TMEM87A: variants seen among roughly 807,000 people sequenced by gnomAD.
The protein encoded by TMEM87A is Golgi-pH regulating cation channel.
TMEM87A carries 50 observed loss-of-function variants against 90.0 expected under a neutral mutation model. The ratio of observed to expected loss-of-function variants is 0.56; its 90% CI spans 0.44 to 0.70. The LOEUF (loss-of-function observed/expected upper bound fraction) is 0.70. TMEM87A is among the 30% of genes least tolerant of loss of function. TMEM87A has a pLI of 0.00. For synonymous variants in TMEM87A, 226 were observed against 226.7 expected (o/e 1.00, Z 0.03); for missense variants, 577 against 660.5 (o/e 0.87, Z 1.39).
At chr15:42,268,527 C>T (rs373333372) in intron 2 of TMEM87A, among the ~76,000 whole-genome samples, 2 of 151,772 alleles carry the variant, frequency 1.3e-5, no homozygotes, top group South Asian at 2.1e-4. Context: ...AAAAGCTAGG[C>T]GTGGTGGTAC....
chr15:42,247,614 T>C (rs1410672820), intron 6 of TMEM87A, among the ~76,000 whole-genome samples: 2 of 152,202 alleles, frequency 1.3e-5, no homozygotes, highest in African/African-American at 4.8e-5. Flanking sequence ...TGGTGTTATT[T>C]CTGAGGCCTC....
chr15:42,236,097 G>A (rs2140940339), intron 10 of TMEM87A, among the ~76,000 whole-genome samples: 1 of 151,996 alleles, frequency 6.6e-6, no homozygotes, highest in East Asian at 1.9e-4. Context: ...TTTGGACTTG[G>A]AAGTATGGAA....
chr15:42,210,959 T>G lies in TMEM87A; in HGVS notation c.*749A>C, dbSNP rs2050273698. 6.6e-6 allele frequency: 1 copy of G among 152,576 alleles called. No homozygotes were observed. The highest frequency in any genetic ancestry group is 2.4e-5 in the African/African-American group (1 of 41,432). The allele number at this position is 152,576 out of a possible 1,614,324, so 9.5% of individuals were successfully genotyped here. ...AAAACAGTAGTTAAAAGTTTCGGAG[T>G]GTGCACCACATTGCCAGCAATGGGA... On this transcript the variant is annotated 3_prime_UTR_variant, in exon 20 of 20. Coordinates refer to ENST00000389834, the MANE Select transcript of TMEM87A (RefSeq NM_015497.5).
chr15:42,245,885 C>T (rs921975806), intron 6 of TMEM87A, among the ~76,000 whole-genome samples: 3 of 152,128 alleles, frequency 2.0e-5, no homozygotes, highest in African/African-American at 7.2e-5. Flanking sequence ...GGTATTAACT[C>T]CTTTGTAAAC....
chr15:42,226,164 T>C (rs969466449), intron 15 of TMEM87A, among the ~76,000 whole-genome samples: 2 of 152,084 alleles, frequency 1.3e-5, no homozygotes, highest in African/African-American at 2.4e-5. Flanking sequence ...CACACTCAGT[T>C]AATTTTTGTA....
chr15:42,269,087 T>A (rs2051461930), intron 2 of TMEM87A, among the ~76,000 whole-genome samples: 1 of 152,174 alleles, frequency 6.6e-6, no homozygotes, highest in South Asian at 2.1e-4. Context: ...ATAAAGCTCA[T>A]TAAACACAGT....
chr15:42,221,000 C>T (rs904296954), intron 15 of TMEM87A, among the ~76,000 whole-genome samples: 14 of 152,012 alleles, frequency 9.2e-5, no homozygotes, highest in Admixed American at 4.6e-4. Context: ...ATTAGCTGGG[C>T]GTGGAGGTGC....
chr15:42,226,311 AT>A (rs558657588), intron 15 of TMEM87A, among the ~76,000 whole-genome samples: 9,942 of 136,942 alleles, frequency 0.073, 814 homozygotes, highest in African/African-American at 0.22. Flanking sequence ...CTGTGTCGGT[AT>A]TTTTTTTTTT....
At chr15:42,240,236 T>C (rs2050845163) in intron 7 of TMEM87A, among the ~76,000 whole-genome samples, 1 of 152,222 alleles carries the variant, frequency 6.6e-6, no homozygotes, top group Non-Finnish European at 1.5e-5. Context: ...TCCAATTTTC[T>C]TTTATTGCTA....
chr15:42,260,466 C>T (rs1284740659), intron 6 of TMEM87A, among the ~76,000 whole-genome samples: 3 of 152,120 alleles, frequency 2.0e-5, no homozygotes, highest in Admixed American at 2.0e-4. Flanking sequence ...TTGTAAAAAC[C>T]ATAACCCAAC....
chr15:42,253,359 T>C (rs2051119707), intron 6 of TMEM87A, among the ~76,000 whole-genome samples: 1 of 152,208 alleles, frequency 6.6e-6, no homozygotes, highest in Non-Finnish European at 1.5e-5. Flanking sequence ...TCTGGACCCT[T>C]TCCTTCTCAT....
intron 16 of TMEM87A, 38 bp downstream of exon 16, chr15:42,220,024 T>A: frequency 6.7e-7 from 1 of 1,502,844 alleles, no homozygotes; most frequent in Non-Finnish European, 9.0e-7. Flanking sequence ...AGAAAAATAA[T>A]ATTTAAAGTA....
rs1467751870 is a variant in TMEM87A at position 42,267,264 on chromosome 15, G to A, written c.291+683C>T. 2.0e-5 allele frequency among the ~76,000 whole-genome samples: 3 copies of A among 152,078 alleles called. No homozygotes were observed. The East Asian group carries it at 5.8e-4, about 29-fold the overall frequency. The stretch of plus-strand genomic sequence containing the variant: ...AAATGATGCTACAAGATCACACACA[G>A]GTAAAAGATACATTCATATCAGTGG... On this transcript the variant is annotated intron_variant, in intron 3 of 19. Transcript: ENST00000389834.
chr15:42,240,264 C>T (rs1025380610), intron 7 of TMEM87A, among the ~76,000 whole-genome samples: 6 of 151,924 alleles, frequency 3.9e-5, no homozygotes, highest in Non-Finnish European at 8.8e-5. Flanking sequence ...GTATCATTTT[C>T]GGAATGAAGG....
chr15:42,233,937 AT>A (rs11285848), intron 10 of TMEM87A, among the ~76,000 whole-genome samples: 17,277 of 139,716 alleles, frequency 0.12, 1,403 homozygotes, highest in African/African-American at 0.23. Context: ...CACCAGGCTA[AT>A]TTTTTTTTTT....
intron 8 of TMEM87A, 49 bp downstream of exon 8, chr15:42,239,621 G>A (rs1228481101): frequency 3.4e-6 from 5 of 1,472,390 alleles, no homozygotes; most frequent in Non-Finnish European, 4.7e-6. Context: ...GACAATCTTT[G>A]AACCCAAAAC....
At chr15:42,262,991 T>C (rs1481746667) in intron 4 of TMEM87A, among the ~76,000 whole-genome samples, 1 of 152,190 alleles carries the variant, frequency 6.6e-6, no homozygotes, top group African/African-American at 2.4e-5. Context: ...TATTCACATC[T>C]CCCTCTTTCT....
rs539079536 is a variant in TMEM87A, at chr15:42,244,052, G to T, written c.620C>A (p.Thr207Asn). The T allele has an allele frequency of 3.9e-6, 6 of 1,541,964 alleles. No individual in the cohort carries two copies. In the South Asian group the frequency reaches 6.3e-5, roughly 16 times the overall value. Residue 207 changes from threonine (T) to asparagine (N), a missense_variant and splice_region_variant, in exon 7 of 20, where the codon ACC (threonine) becomes AAC (asparagine). Thr to Asn is a moderately conservative substitution (Grantham distance 65, BLOSUM62 0). Transcript: ENST00000389834. The stretch of plus-strand genomic sequence containing the variant: ...ATTAAAAAAAAAACTGAACTTACTG[G>T]TAAAAAGATTACTCAGTGAATTTTC... ...SKENSLSNLFTMTVEVKGPYE... is the reference protein window; with the variant it reads ...SKENSLSNLFNMTVEVKGPYE...
At chr15:42,256,606 A>G (rs1315799737) in intron 6 of TMEM87A, among the ~76,000 whole-genome samples, 1 of 152,224 alleles carries the variant, frequency 6.6e-6, no homozygotes, top group African/African-American at 2.4e-5. Context: ...TAATCACTGT[A>G]ACAAGACTCA....
Sources: gnomAD v4.1 joint callset for allele counts (sites outside exome capture counted in the v4.1 genomes callset) on GRCh38, gnomAD v4.1.1 for gene constraint, MANE v1.5 for transcripts, NCBI Gene and HGNC (gene_info 2026-07-23, HGNC 2026-07-21) for gene names.